The following CSMD3 variants were observed in gnomAD, a reference collection of about 807,000 sequenced individuals.
CSMD3 encodes CUB and sushi domain-containing protein 3.
A neutral mutation model predicts 435.2 loss-of-function variants in CSMD3; 177 were observed. The observed-to-expected ratio is 0.41, with a 90% confidence interval of 0.36 to 0.46. The LOEUF (loss-of-function observed/expected upper bound fraction) is 0.46, where lower values mean the gene tolerates loss of function less well. CSMD3 is among the 20% of genes least tolerant of loss of function. The pLI is 0.34. For synonymous variants in CSMD3, 1,656 were observed against 1,520.5 expected, an observed-to-expected ratio of 1.09 and a Z score of -2.07; for missense variants, 4,265 against 4,504.6, an observed-to-expected ratio of 0.95 and a Z score of 1.52.
At chr8:112,910,246 A>G (rs557880583) in intron 10 of CSMD3, among the ~76,000 whole-genome samples, 8 of 151,666 alleles carry the variant, frequency 5.3e-5, no homozygotes, top group Non-Finnish European at 1.2e-4. Context: ...GGGATCACTG[A>G]GCTAAATGAA....
At chr8:112,897,244 A>T (rs541519099) in intron 10 of CSMD3, among the ~76,000 whole-genome samples, 80 of 151,426 alleles carry the variant, frequency 5.3e-4, no homozygotes, top group African/African-American at 1.9e-3. Flanking sequence ...CACCCTTCTC[A>T]TTCAGTAGGT....
At chr8:112,545,498 A>AAT (rs1554609858) in intron 27 of CSMD3, among the ~76,000 whole-genome samples, 1 of 141,204 alleles carries the variant, frequency 7.1e-6, no homozygotes, top group African/African-American at 2.7e-5. Context: ...AAAAAAAAAA[A>AAT]AAAAATAATA....
chr8:112,734,540 G>A (rs1234092602), intron 13 of CSMD3, among the ~76,000 whole-genome samples: 6 of 151,896 alleles, frequency 4.0e-5, no homozygotes, highest in Non-Finnish European at 8.8e-5. Flanking sequence ...TTGTCTCAGA[G>A]AAATGATATA....
chr8:113,344,716 T>C (rs1043883539), intron 1 of CSMD3, among the ~76,000 whole-genome samples: 1 of 152,156 alleles, frequency 6.6e-6, no homozygotes, highest in African/African-American at 2.4e-5. Flanking sequence ...TTCCAGCAAC[T>C]GGTGTTCATA....
chr8:112,993,800 G>C (rs1233850873), intron 6 of CSMD3, among the ~76,000 whole-genome samples: 1 of 151,708 alleles, frequency 6.6e-6, no homozygotes, highest in Non-Finnish European at 1.5e-5. Context: ...ACCATATGAA[G>C]GCCAGGGGAC....
In CSMD3 at chr8:113,138,810, A is replaced by AGTGTGTGTGT. The variant is rs34755068; in HGVS notation, c.709+34902_709+34911dup. ...AGTCGTTCTCAGAACTAAACGTGTT[A>AGTGTGTGTGT]GTGTGTGTGTGTGTGTGTGTGTGTG... On this transcript the variant is annotated intron_variant, in intron 4 of 70. Coordinates refer to ENST00000297405, the MANE Select transcript of CSMD3 (RefSeq NM_198123.2). Among the ~76,000 whole-genome samples the AGTGTGTGTGT allele has an allele frequency of 8.2e-3, 1,189 of 145,722 alleles. 15 individuals carry two copies. The highest frequency in any genetic ancestry group is 0.027 in the African/African-American group (1,074 of 39,964).
chr8:112,381,810 T>C (rs1586935313), intron 37 of CSMD3, among the ~76,000 whole-genome samples: 1 of 152,178 alleles, frequency 6.6e-6, no homozygotes, highest in Admixed American at 6.5e-5. Flanking sequence ...CTAACATTAG[T>C]TGTACAACCT....
chr8:113,205,683 T>C (rs1323051151), intron 3 of CSMD3, among the ~76,000 whole-genome samples: 3 of 152,170 alleles, frequency 2.0e-5, no homozygotes, highest in Non-Finnish European at 4.4e-5. Context: ...CTAGTGACTA[T>C]AATTGTAATC....
intron 38 of CSMD3, among the ~76,000 whole-genome samples, chr8:112,359,647 T>G (rs924689224): frequency 6.6e-6 from 1 of 152,084 alleles, no homozygotes; most frequent in Non-Finnish European, 1.5e-5. Context: ...GAAAATGCCA[T>G]AAAAGCAGTG....
At chr8:112,945,734 T>G (rs1322026084) in intron 9 of CSMD3, among the ~76,000 whole-genome samples, 2 of 151,700 alleles carry the variant, frequency 1.3e-5, no homozygotes, top group African/African-American at 2.4e-5. Flanking sequence ...TTACTTTCTC[T>G]GATGCAAATA....
intron 1 of CSMD3, among the ~76,000 whole-genome samples, chr8:113,342,905 GA>G (rs1457773734): frequency 1.3e-5 from 2 of 151,898 alleles, no homozygotes; most frequent in African/African-American, 4.8e-5. Flanking sequence ...ACATTTATGA[GA>G]AATTCAACTA....
chr8:113,359,054 A>G (rs535553736), intron 1 of CSMD3, among the ~76,000 whole-genome samples: 1 of 152,296 alleles, frequency 6.6e-6, no homozygotes, highest in East Asian at 1.9e-4. Context: ...AGTAAAAAAA[A>G]AATCTGTGAA....
At chr8:112,508,091 C>T (rs1318852823) in intron 28 of CSMD3, among the ~76,000 whole-genome samples, 1 of 152,062 alleles carries the variant, frequency 6.6e-6, no homozygotes, top group African/African-American at 2.4e-5. Flanking sequence ...AAGATATCAC[C>T]GTCAACCTGG....
intron 24 of CSMD3, among the ~76,000 whole-genome samples, chr8:112,559,098 C>CTTT (rs1475171051): frequency 2.0e-5 from 3 of 151,708 alleles, no homozygotes; most frequent in Non-Finnish European, 4.4e-5. Context: ...AATGAATTTG[C>CTTT]TAAAAACTGA....
chr8:113,024,065 C>T (rs766869037), intron 5 of CSMD3, among the ~76,000 whole-genome samples: 9 of 152,162 alleles, frequency 5.9e-5, no homozygotes, highest in Admixed American at 1.3e-4. Context: ...ACCAACCTCT[C>T]CTATCAACTC....
intron 1 of CSMD3, among the ~76,000 whole-genome samples, chr8:113,353,753 T>C (rs149245637): frequency 4.2e-4 from 64 of 152,284 alleles, no homozygotes; most frequent in African/African-American, 1.4e-3. Flanking sequence ...AAGAGGACTT[T>C]TTTCCCCCCA....
At chr8:112,669,364 T>G (rs2075602655) in intron 16 of CSMD3, among the ~76,000 whole-genome samples, 1 of 152,012 alleles carries the variant, frequency 6.6e-6, no homozygotes, top group Non-Finnish European at 1.5e-5. Flanking sequence ...ATTTTATCTG[T>G]AAAGAAATCT....
At chr8:113,040,100 C>T (rs569213032) in intron 5 of CSMD3, among the ~76,000 whole-genome samples, 2 of 152,106 alleles carry the variant, frequency 1.3e-5, no homozygotes, top group Non-Finnish European at 2.9e-5. Flanking sequence ...GGTTAGAGGT[C>T]TGAGAAAGAC....
intron 4 of CSMD3, among the ~76,000 whole-genome samples, chr8:113,169,896 T>A (rs1171759369): frequency 1.3e-5 from 2 of 152,164 alleles, no homozygotes; most frequent in East Asian, 3.9e-4. Context: ...GAATGTTGCT[T>A]AGCCCAGCAG....
Sources: allele counts gnomAD v4.1 joint callset (sites outside exome capture counted in the v4.1 genomes callset), GRCh38; gene constraint gnomAD v4.1.1; transcripts MANE v1.5; gene names NCBI Gene and HGNC (gene_info 2026-07-23, HGNC 2026-07-21).